SUN3: variants seen among roughly 807,000 people sequenced by gnomAD.
The protein encoded by SUN3 is SUN domain-containing protein 3.
Under a neutral mutation model 48.2 loss-of-function variants are expected in SUN3, and 36 were observed. The observed-to-expected ratio is 0.75, with a 90% CI of 0.57 to 0.99. SUN3 has a LOEUF of 0.99. Ranked by LOEUF, SUN3 falls within the 50% of genes least tolerant of loss-of-function variation. The pLI is 0.00. For missense variants in SUN3, 419 were observed against 433.1 expected (o/e 0.97, Z 0.29); for synonymous variants, 148 against 147.9 (o/e 1.00, Z 0.00).
chr7:48,009,323 G>A (rs1168462141), intron 3 of SUN3, among the ~76,000 whole-genome samples: 2 of 152,152 alleles, frequency 1.3e-5, no homozygotes, highest in Non-Finnish European at 2.9e-5. Context: ...GGAGCTCTTG[G>A]ATGGGCACAT....
intron 3 of SUN3, among the ~76,000 whole-genome samples, chr7:48,017,028 T>A (rs535849278): frequency 6.6e-6 from 1 of 152,190 alleles, no homozygotes; most frequent in African/African-American, 2.4e-5. Flanking sequence ...TATGACCCAA[T>A]CACTTTTTAA....
rs146763970 is a variant in SUN3 at position 48,023,246 on chromosome 7, G to A, written c.184+2631C>T. ...AAGATGTAATTTTTGACAACATAAA[G>A]AGGAGTAAATCCCAGTGAATACAGA... On this transcript the variant is annotated intron_variant, in intron 2 of 9. Coordinates refer to ENST00000297325, the MANE Select transcript of SUN3 (RefSeq NM_001030019.2). Among the ~76,000 whole-genome samples the A allele has an allele frequency of 4.1e-3, 623 of 152,088 alleles. 7 individuals are homozygous for A. Among genetic ancestry groups the A allele is most frequent in the Middle Eastern group, 0.014 (4 of 294 alleles).
chr7:47,988,808 C>T lies in SUN3; in HGVS notation c.934G>A (p.Val312Ile), dbSNP rs202145036. 7.2e-5 allele frequency: 115 copies of T among 1,605,520 alleles called. No homozygotes were observed. In the South Asian group the frequency reaches 8.9e-4, roughly 12 times the overall value. ...QFIYNKTGTT[V>I]QTFELQHAVS... ...ATTACCTGGAGTTCAAATGTTTGAA[C>T]GGTGGTTCCTGTTTTGTTATATATA... The change falls in exon 9 of 10, where the codon GTT becomes ATT. Residue 312 changes from valine (V) to isoleucine (I), a missense_variant. Transcript: ENST00000297325.
chr7:48,015,814 T>C (rs1789795635), intron 3 of SUN3, among the ~76,000 whole-genome samples: 1 of 152,208 alleles, frequency 6.6e-6, no homozygotes, highest in South Asian at 2.1e-4. Flanking sequence ...TTTTAAGCTG[T>C]CCTTGTTCAT....
Position 47,994,458 on chromosome 7 carries a change from A to G in SUN3, c.718T>C (p.Trp240Arg), listed in dbSNP as rs144089181. 10 of 1,604,070 alleles carry G rather than the reference A, an allele frequency of 6.2e-6. No homozygotes were observed. The highest frequency in any genetic ancestry group is 8.5e-6 in the Non-Finnish European group (10 of 1,176,682). The change falls in exon 8 of 10, where the codon TGG becomes CGG. Residue 240 changes from tryptophan (W) to arginine (R), a missense_variant. By Grantham distance (101) the Trp-to-Arg change is moderately radical. Transcript: ENST00000297325. ...TGACCCTGGGAACCTGGAAAAGCCCAGCACTTTCCAGGGTAGACATCCGGC... is the reference window on the plus strand; with the variant it reads ...TGACCCTGGGAACCTGGAAAAGCCCGGCACTTTCCAGGGTAGACATCCGGC... ...LQPDVYPGKC[W>R]AFPGSQGHTL... is the part of the protein sequence containing the mutation.
upstream of SUN3, among the ~76,000 whole-genome samples, chr7:48,033,842 T>C (rs1360626058): frequency 6.6e-6 from 1 of 151,800 alleles, no homozygotes; most frequent in African/African-American, 2.4e-5. Flanking sequence ...GATCACGAGG[T>C]CAGGAGTATG....
rs112690990 is a variant in SUN3, at chr7:48,004,759, C to T, written c.577+1210G>A. On this transcript the variant is annotated intron_variant, in intron 6 of 9. Coordinates refer to ENST00000297325, the MANE Select transcript of SUN3 (RefSeq NM_001030019.2). ...ACGTTTGCAGCTCTGTAATTGCTGC[C>T]TGCCTCAGCCTAGGCTGCAAGAGAA... 3.0e-3 allele frequency among the ~76,000 whole-genome samples: 452 copies of T among 152,352 alleles called. 7 individuals carry two copies. The highest frequency in any genetic ancestry group is 0.01 in the African/African-American group (421 of 41,582).
chr7:47,994,843 G>A (rs1789160966), intron 7 of SUN3, among the ~76,000 whole-genome samples: 1 of 152,208 alleles, frequency 6.6e-6, no homozygotes, highest in Admixed American at 6.5e-5. Context: ...CAGTGGAGGT[G>A]ACAGTGATGG....
At chr7:48,003,525 C>G (rs187698565) in intron 6 of SUN3, among the ~76,000 whole-genome samples, 67 of 152,286 alleles carry the variant, frequency 4.4e-4, no homozygotes, top group African/African-American at 1.3e-3. Context: ...GATATTGATT[C>G]TTTCTATCCA....
intron 8 of SUN3, 98 bp downstream of exon 8, chr7:47,994,217 A>T: frequency 9.0e-7 from 1 of 1,106,066 alleles, no homozygotes; most frequent in Non-Finnish European, 1.3e-6. Context: ...TAAGTGACAC[A>T]ACTAGTTATC....
chr7:47,993,543 A>G (rs1339947617), intron 8 of SUN3, among the ~76,000 whole-genome samples: 1 of 152,258 alleles, frequency 6.6e-6, no homozygotes, highest in East Asian at 1.9e-4. Context: ...ATGCAAAGTT[A>G]AAGAAGCCAT....
intron 8 of SUN3, among the ~76,000 whole-genome samples, chr7:47,990,598 C>T (rs1027547011): frequency 1.1e-4 from 17 of 151,664 alleles, no homozygotes; most frequent in Admixed American, 5.3e-4. Context: ...TTCCACCTGA[C>T]GAGAAACGCC....
chr7:48,031,001 G>T (rs1185332961), upstream of SUN3, among the ~76,000 whole-genome samples: 1 of 152,054 alleles, frequency 6.6e-6, no homozygotes, highest in African/African-American at 2.4e-5. Context: ...ATAGATAAAA[G>T]ACTTAAACAT....
At chr7:48,028,719 A>ACTGT (rs375398678) in intron 1 of SUN3, 98 bp downstream of exon 1, 2 of 1,476,512 alleles carry the variant, frequency 1.4e-6, no homozygotes, top group African/African-American at 2.8e-5. Context: ...GGGAGAAAAT[A>ACTGT]CTGTCGGGTA....
chr7:48,035,766 G>C, the SUN3 span: 1 of 584,530 alleles, frequency 1.7e-6, no homozygotes, highest in Non-Finnish European at 3.0e-6. This position sits in a 1 kb window ranked among gnomAD's most constrained non-coding sequence, Gnocchi z 4.0. Context: ...GGGTTGGGAT[G>C]AGCACAGGGC....
At chr7:48,002,089 T>C (rs1748350679) in intron 6 of SUN3, among the ~76,000 whole-genome samples, 1 of 137,274 alleles carries the variant, frequency 7.3e-6, no homozygotes, top group Non-Finnish European at 1.6e-5. Flanking sequence ...TTTGACTTTT[T>C]GATAATAGCC....
chr7:48,010,258 A>G (rs1789647847), intron 3 of SUN3, among the ~76,000 whole-genome samples: 1 of 152,298 alleles, frequency 6.6e-6, no homozygotes, highest in East Asian at 1.9e-4. Context: ...GGAGGGCAAA[A>G]GAGAGCACCT....
upstream of SUN3, among the ~76,000 whole-genome samples, chr7:48,031,403 C>T (rs1450613441): frequency 1.3e-5 from 2 of 152,180 alleles, no homozygotes; most frequent in Admixed American, 6.5e-5. Context: ...AAGTGGTACA[C>T]GCCTGTAATC....
chr7:48,027,170 T>C (rs1005971263), intron 1 of SUN3, among the ~76,000 whole-genome samples: 1 of 152,162 alleles, frequency 6.6e-6, no homozygotes, highest in African/African-American at 2.4e-5. Context: ...TTGTGTATAG[T>C]TGTGGTTCAT....
Sources: gnomAD v4.1 joint callset for allele counts (sites outside exome capture counted in the v4.1 genomes callset) on GRCh38, gnomAD v4.1.1 for gene constraint, Gnocchi (gnomAD v3.1) non-coding constraint, MANE v1.5 for transcripts, NCBI Gene and HGNC (gene_info 2026-07-23, HGNC 2026-07-21) for gene names.